Variants in SNX5 observed in about 807,000 individuals in gnomAD.
The protein encoded by SNX5 is sorting nexin-5.
In SNX5, 31 loss-of-function variants were observed where a neutral mutation model predicts 53.9. The observed-to-expected ratio is 0.58, with a 90% CI of 0.43 to 0.78. The LOEUF (loss-of-function observed/expected upper bound fraction) is 0.78. Among genes scored for constraint, SNX5 ranks in the 30% least tolerant of loss-of-function variants. The pLI, the probability that SNX5 is intolerant of heterozygous loss-of-function variation, is 0.00. For synonymous variants in SNX5, 168 were observed against 171.1 expected (o/e 0.98, Z 0.14); for missense variants, 471 against 478.8 (o/e 0.98, Z 0.15).
rs2035322208 is a variant in SNX5, at chr20:17,954,576, T to TAAGC, written c.268-463_268-460dup. Among the ~76,000 whole-genome samples, 4 of 152,222 alleles carry TAAGC rather than the reference T, an allele frequency of 2.6e-5. No individual in the cohort carries two copies. In the South Asian group the frequency reaches 8.3e-4, roughly 31 times the overall value. ...TTCGGTATTAATTTTGTTTAATGAT[T>TAAGC]AAGCAATCATCATTTGGAGAGCTTC... On this transcript the variant is annotated intron_variant, in intron 3 of 12. Coordinates refer to ENST00000377759, the MANE Select transcript of SNX5 (RefSeq NM_014426.4).
chr20:17,965,213 TG>T (rs2035518164), intron 1 of SNX5, among the ~76,000 whole-genome samples: 1 of 151,926 alleles, frequency 6.6e-6, no homozygotes, highest in African/African-American at 2.4e-5. Flanking sequence ...CTTATCACCA[TG>T]GGAGGGGAGG....
At chr20:17,942,995 G>C in intron 12 of SNX5, 115 bp downstream of exon 12, 3 of 709,766 alleles carry the variant, frequency 4.2e-6, no homozygotes, top group Non-Finnish European at 5.0e-6. Context: ...AAGTACTACA[G>C]ACGATTAATA....
At chr20:17,953,045 T>A (rs2039592035) in intron 4 of SNX5, among the ~76,000 whole-genome samples, 1 of 152,218 alleles carries the variant, frequency 6.6e-6, no homozygotes, top group South Asian at 2.1e-4. Context: ...GCAGCCTAAG[T>A]ATACAGCATG....
chr20:17,949,727 G>C (rs2039537256), intron 8 of SNX5, among the ~76,000 whole-genome samples: 1 of 152,050 alleles, frequency 6.6e-6, no homozygotes, highest in African/African-American at 2.4e-5. Context: ...TCCAGGGCAG[G>C]GGCACATGTT....
At position 17,968,400 on chromosome 20, in the gene SNX5, T is replaced by TGCA; in HGVS notation, c.23_25dup (p.Leu8dup). Reference sequence around the variant, plus strand: ...CTTGCTGCGGTCCTCCTCCTGCTGCTGCAGCAACTCGGGAACCGCGGCCAT... The same window carrying TGCA: ...CTTGCTGCGGTCCTCCTCCTGCTGCTGCAGCAGCAACTCGGGAACCGCGGCCAT... On this transcript the variant is annotated inframe_insertion, in exon 1 of 13. Transcript: ENST00000377759. 1.6e-6 allele frequency: 2 copies of TGCA among 1,287,438 alleles called. No individual in the cohort carries two copies. The highest frequency in any genetic ancestry group is 2.0e-6 in the Non-Finnish European group (2 of 1,014,068). The allele number at this position is 1,287,438 out of a possible 1,614,324, so 79.8% of individuals were successfully genotyped here.
At chr20:17,967,965 G>C in intron 1 of SNX5, 2 of 397,708 alleles carry the variant, frequency 5.0e-6, no homozygotes, top group Non-Finnish European at 8.8e-6. Flanking sequence ...AGTAAAAGGT[G>C]GGGGGAAGGA....
chr20:17,953,392 T>C (rs1361909472), intron 4 of SNX5, among the ~76,000 whole-genome samples: 1 of 152,226 alleles, frequency 6.6e-6, no homozygotes, highest in African/African-American at 2.4e-5. Flanking sequence ...AAAAATTAAA[T>C]GACAACCAGA....
At chr20:17,950,071 A>G in intron 8 of SNX5, 61 bp downstream of exon 8, 7 of 1,449,592 alleles carry the variant, frequency 4.8e-6, no homozygotes, top group South Asian at 2.3e-5. Flanking sequence ...TTATGCTTTT[A>G]ATTACACCAC....
At chr20:17,961,521 G>C (rs532802051) in intron 1 of SNX5, 17 of 985,288 alleles carry the variant, frequency 1.7e-5, no homozygotes, top group Non-Finnish European at 2.0e-5. Flanking sequence ...AAATCTAATA[G>C]TCATTTGTAT....
chr20:17,967,276 C>T (rs1021512653), intron 1 of SNX5, among the ~76,000 whole-genome samples: 1 of 150,408 alleles, frequency 6.6e-6, no homozygotes, highest in Non-Finnish European at 1.5e-5. Flanking sequence ...GAGAAAAGTA[C>T]CTTTATAATG....
intron 10 of SNX5, 135 bp from the exon 11 acceptor site, chr20:17,947,780 A>G: frequency 1.4e-6 from 1 of 708,888 alleles, no homozygotes; most frequent in Non-Finnish European, 2.1e-6. Context: ...GAGTATTTTT[A>G]AATCTCCAGC....
At chr20:17,946,296 A>G (rs987435144) in intron 11 of SNX5, among the ~76,000 whole-genome samples, 1 of 152,216 alleles carries the variant, frequency 6.6e-6, no homozygotes, top group Non-Finnish European at 1.5e-5. Context: ...GATACCCCGA[A>G]ACGATGAGCA....
At chr20:17,944,963 C>T (rs2039468160) in intron 11 of SNX5, 6 of 152,234 alleles carry the variant, frequency 3.9e-5, no homozygotes, top group Admixed American at 3.3e-4. Context: ...TTTGTGACAT[C>T]AAGTTCTGTC....
At chr20:17,960,284 A>G (rs528524123) in intron 1 of SNX5, among the ~76,000 whole-genome samples, 113 of 152,050 alleles carry the variant, frequency 7.4e-4, no homozygotes, top group Non-Finnish European at 1.4e-3. Flanking sequence ...AACATGGTGA[A>G]ACCCCGTCTC....
intron 11 of SNX5, 51 bp from the exon 12 acceptor site, chr20:17,943,246 AT>A (rs2039442186): frequency 1.6e-6 from 2 of 1,216,788 alleles, no homozygotes; most frequent in Non-Finnish European, 2.4e-6. Flanking sequence ...AACAATTTTC[AT>A]GTTCACTTTA....
intron 8 of SNX5, among the ~76,000 whole-genome samples, chr20:17,949,363 A>C (rs1318186638): frequency 6.6e-6 from 1 of 152,248 alleles, no homozygotes; most frequent in Non-Finnish European, 1.5e-5. Context: ...TATTCTTATT[A>C]AATGCCAATG....
chr20:17,968,649 C>T lies in SNX5; in HGVS notation c.-224G>A. ...TGCTCCCCCAGAGCAGCCTCCCAGT[C>T]CCCGCTGCCGTCCATCTTGGAGCCG... On this transcript the variant is annotated 5_prime_UTR_variant, in exon 1 of 13. Coordinates refer to ENST00000377759, the MANE Select transcript of SNX5 (RefSeq NM_014426.4). 1.6e-6 allele frequency: 1 copy of T among 609,720 alleles called. No homozygotes were observed. Among genetic ancestry groups the T allele is most frequent in the Non-Finnish European group, 3.0e-6 (1 of 335,980 alleles). The allele number at this position is 609,720 out of a possible 1,614,324, so 37.8% of individuals were successfully genotyped here. A position where few individuals can be genotyped will look rare whatever the true frequency, so the allele number is the denominator to read the frequency against.
At chr20:17,959,478 A>T (rs2035414899) in intron 1 of SNX5, among the ~76,000 whole-genome samples, 1 of 152,312 alleles carries the variant, frequency 6.6e-6, no homozygotes, top group South Asian at 2.1e-4. Flanking sequence ...ACTAGCAGCC[A>T]TTTTGCCCAG....
chr20:17,958,485 G>A (rs2035399199), intron 1 of SNX5, among the ~76,000 whole-genome samples: 1 of 152,182 alleles, frequency 6.6e-6, no homozygotes, highest in African/African-American at 2.4e-5. Flanking sequence ...GAAAGCCAGA[G>A]GGAGCCTATT....
Sources: allele counts gnomAD v4.1 joint callset (sites outside exome capture counted in the v4.1 genomes callset), GRCh38; gene constraint gnomAD v4.1.1; transcripts MANE v1.5; gene names NCBI Gene and HGNC (gene_info 2026-07-23, HGNC 2026-07-21).